The following NTM variants were observed in gnomAD, a reference collection of about 807,000 sequenced individuals.
NTM encodes the protein IgLON family member 2.
A neutral mutation model predicts 42.1 loss-of-function variants in NTM; 13 were observed. That is an observed-to-expected ratio of 0.31 (90% confidence interval 0.20 to 0.49). NTM has a LOEUF of 0.49. Ranked by LOEUF, NTM falls within the 20% of genes least tolerant of loss-of-function variation. NTM has a pLI of 0.99. For synonymous variants in NTM, 187 were observed against 179.2 expected (o/e 1.04, Z -0.35); for missense variants, 373 against 452.8 (o/e 0.82, Z 1.60).
At chr11:131,978,170 A>G (rs984084705) in intron 2 of NTM, among the ~76,000 whole-genome samples, 4 of 152,204 alleles carry the variant, frequency 2.6e-5, no homozygotes, top group African/African-American at 7.2e-5. Flanking sequence ...AACTAAAGGT[A>G]TATTTCATAC....
At chr11:131,510,326 C>CA (rs1353089811) in intron 1 of NTM, among the ~76,000 whole-genome samples, 1 of 152,204 alleles carries the variant, frequency 6.6e-6, no homozygotes, top group Non-Finnish European at 1.5e-5. Flanking sequence ...CAGCCCAGAG[C>CA]AGCAGGGAAT....
At chr11:132,030,907 G>T (rs909349580) in intron 2 of NTM, among the ~76,000 whole-genome samples, 6 of 152,154 alleles carry the variant, frequency 3.9e-5, no homozygotes, top group Non-Finnish European at 8.8e-5. Flanking sequence ...TTGTAGGTTC[G>T]CTGGGAGGAC....
chr11:131,856,777 G>A, intron 1 of NTM, among the ~76,000 whole-genome samples: 1 of 152,228 alleles, frequency 6.6e-6, no homozygotes, highest in Non-Finnish European at 1.5e-5. Flanking sequence ...CTTGGAGGCT[G>A]TACTATACTG....
chr11:131,668,799 G>A (rs144078378), intron 1 of NTM, among the ~76,000 whole-genome samples: 1 of 152,204 alleles, frequency 6.6e-6, no homozygotes, highest in African/African-American at 2.4e-5. Context: ...TCCACGAAAG[G>A]TAAATGATGC....
At chr11:132,271,629 C>T (rs1253224048) in intron 4 of NTM, among the ~76,000 whole-genome samples, 1 of 152,022 alleles carries the variant, frequency 6.6e-6, no homozygotes, top group African/African-American at 2.4e-5. Flanking sequence ...TTATGATTTG[C>T]ATTTTCCTGA....
chr11:131,450,743 C>T (rs1035288859), intron 1 of NTM, among the ~76,000 whole-genome samples: 1 of 152,178 alleles, frequency 6.6e-6, no homozygotes, highest in Non-Finnish European at 1.5e-5. Flanking sequence ...GAGATTATAA[C>T]TTACAATCAC....
At chr11:131,527,630 T>C (rs565783602) in intron 1 of NTM, among the ~76,000 whole-genome samples, 86 of 152,364 alleles carry the variant, frequency 5.6e-4, no homozygotes, top group African/African-American at 2.0e-3. Flanking sequence ...AGCCATCTTA[T>C]GTAATTTCTT....
At chr11:131,857,254 A>G (rs1463503865) in intron 1 of NTM, among the ~76,000 whole-genome samples, 1 of 152,180 alleles carries the variant, frequency 6.6e-6, no homozygotes, top group Non-Finnish European at 1.5e-5. Flanking sequence ...TCTGTCTTCC[A>G]TGACTCTATG....
intron 2 of NTM, among the ~76,000 whole-genome samples, chr11:132,022,451 C>T (rs1418722535): frequency 3.3e-5 from 5 of 152,268 alleles, no homozygotes; most frequent in South Asian, 4.1e-4. Context: ...GCATGATATT[C>T]GTTATCACAG....
intron 2 of NTM, among the ~76,000 whole-genome samples, chr11:132,102,468 G>T (rs2061742196): frequency 6.6e-6 from 1 of 152,160 alleles, no homozygotes; most frequent in African/African-American, 2.4e-5. Flanking sequence ...AACGTGCTGT[G>T]CCATATAACT....
chr11:131,633,756 C>CTCTCT (rs1565355276), intron 1 of NTM, among the ~76,000 whole-genome samples: 1 of 38,472 alleles, frequency 2.6e-5, no homozygotes, highest in African/African-American at 1.0e-4. Context: ...TCTCTCCCTC[C>CTCTCT]CTCTCTCTCC....
At chr11:132,126,943 C>T (rs1054195685) in intron 2 of NTM, among the ~76,000 whole-genome samples, 9 of 152,210 alleles carry the variant, frequency 5.9e-5, no homozygotes, top group African/African-American at 2.2e-4. Flanking sequence ...TGAGGCACAG[C>T]ACATTAAGAA....
At chr11:131,580,619 G>A (rs1052131401) in intron 1 of NTM, among the ~76,000 whole-genome samples, 2 of 152,178 alleles carry the variant, frequency 1.3e-5, no homozygotes, top group African/African-American at 4.8e-5. Flanking sequence ...AGAGCTAATG[G>A]GAGGGGATGG....
chr11:132,137,849 C>A (rs1465614520), intron 2 of NTM, among the ~76,000 whole-genome samples: 1 of 152,182 alleles, frequency 6.6e-6, no homozygotes, highest in Non-Finnish European at 1.5e-5. Context: ...AGCCTGTCCA[C>A]GCGATCCGTG....
chr11:131,812,459 A>G (rs1024069695), intron 1 of NTM, among the ~76,000 whole-genome samples: 1 of 152,124 alleles, frequency 6.6e-6, no homozygotes, highest in Non-Finnish European at 1.5e-5. Context: ...AATAATGACC[A>G]TGTGGCATTA....
intron 3 of NTM, among the ~76,000 whole-genome samples, chr11:132,176,315 G>A (rs2076796064): frequency 1.3e-5 from 2 of 150,890 alleles, no homozygotes; most frequent in Admixed American, 1.3e-4. Flanking sequence ...GATGGGTTTG[G>A]TCAAGTTTGG....
chr11:131,764,837 C>T (rs1404194496), intron 1 of NTM, among the ~76,000 whole-genome samples: 1 of 152,022 alleles, frequency 6.6e-6, no homozygotes, highest in Non-Finnish European at 1.5e-5. Flanking sequence ...CACAGATGCC[C>T]CAGAGACATC....
intron 1 of NTM, among the ~76,000 whole-genome samples, chr11:131,711,910 C>T (rs1367300241): frequency 2.1e-5 from 3 of 142,030 alleles, no homozygotes; most frequent in Admixed American, 7.6e-5. Flanking sequence ...CATGTTCTCA[C>T]TCATAGGTGG....
chr11:131,712,150 TAAAA>T (rs961666350), intron 1 of NTM, among the ~76,000 whole-genome samples: 2 of 107,714 alleles, frequency 1.9e-5, no homozygotes, highest in Non-Finnish European at 4.0e-5. Context: ...AAATAAAAAA[TAAAA>T]AAATAAAAAT....
Sources: allele counts gnomAD v4.1 joint callset (sites outside exome capture counted in the v4.1 genomes callset), GRCh38; gene constraint gnomAD v4.1.1; transcripts MANE v1.5; gene names NCBI Gene and HGNC (gene_info 2026-07-23, HGNC 2026-07-21).